LARP4B: variants seen among roughly 807,000 people sequenced by gnomAD.
LARP4B encodes the protein la-related protein 4B.
A neutral mutation model predicts 89.8 loss-of-function variants in LARP4B; 12 were observed. The observed-to-expected ratio is 0.13, with a 90% CI of 0.09 to 0.22. The LOEUF (loss-of-function observed/expected upper bound fraction) is 0.22, where lower values mean the gene tolerates loss of function less well. LARP4B is among the 10% of genes least tolerant of loss of function. The pLI is 1.00. For missense variants in LARP4B, 757 were observed against 947.7 expected, an observed-to-expected ratio of 0.80 and a Z score of 2.64; for synonymous variants, 367 against 363.3, an observed-to-expected ratio of 1.01 and a Z score of -0.12.
Position 831,861 on chromosome 10 carries a change from TCA to T in LARP4B, c.751-886_751-885del, listed in dbSNP as rs372256102. Among the ~76,000 whole-genome samples the T allele has an allele frequency of 5.9e-3, 896 of 152,048 alleles. 14 individuals are homozygous for T. The highest frequency in any genetic ancestry group is 0.021 in the African/African-American group (853 of 41,468). On this transcript the variant is annotated intron_variant, in intron 8 of 17. Coordinates refer to ENST00000316157, the MANE Select transcript of LARP4B (RefSeq NM_015155.3). ...AAAACTCCGAGCATCTCCTCAAAAA[TCA>T]CAAAGCATGCAAAGAAATAGAAAAT...
chr10:825,618 A>T, intron 12 of LARP4B, 146 bp downstream of exon 12: 1 of 644,624 alleles, frequency 1.6e-6, no homozygotes, highest in Non-Finnish European at 2.7e-6. Context: ...GCCAGATTGT[A>T]GTGCTTAGTC....
the LARP4B span, among the ~76,000 whole-genome samples, chr10:961,235 G>A: frequency 1.3e-5 from 2 of 152,246 alleles, no homozygotes; most frequent in African/African-American, 4.8e-5. Context: ...GATGGCTGTT[G>A]TCTTAGTCCA....
At chr10:871,955 G>C (rs1296689761) in intron 3 of LARP4B, among the ~76,000 whole-genome samples, 1 of 152,146 alleles carries the variant, frequency 6.6e-6, no homozygotes, top group Non-Finnish European at 1.5e-5. Flanking sequence ...TGCAGTGTCA[G>C]TACAAAAGCT....
Position 843,082 on chromosome 10 carries a change from A to G in LARP4B, c.510-14T>C. 1 of 1,610,976 alleles carries G rather than the reference A, an allele frequency of 6.2e-7. No individual in the cohort carries two copies. Among genetic ancestry groups the G allele is most frequent in the Non-Finnish European group, 8.5e-7 (1 of 1,177,922 alleles). The stretch of plus-strand genomic sequence containing the variant: ...GCAAGGTTCTCCCTGTTGAAAGAAA[A>G]CAATCTCTTTTAATCAGTATTTCTT... On this transcript the variant is annotated splice_polypyrimidine_tract_variant and intron_variant, in intron 6 of 17. Transcript: ENST00000316157.
At chr10:881,751 G>A (rs769672153) in intron 3 of LARP4B, among the ~76,000 whole-genome samples, 1 of 152,190 alleles carries the variant, frequency 6.6e-6, no homozygotes, top group South Asian at 2.1e-4. Flanking sequence ...ACTCACCTAC[G>A]TCTCAGTGCC....
In LARP4B at chr10:836,524, A is replaced by C; in HGVS notation, c.647-18T>G. 6.7e-7 allele frequency: 1 copy of C among 1,484,112 alleles called. No individual in the cohort carries two copies. Among genetic ancestry groups the C allele is most frequent in the African/African-American group, 1.4e-5 (1 of 72,246 alleles). The allele number at this position is 1,484,112 out of a possible 1,614,324, so 91.9% of individuals were successfully genotyped here. A position where few individuals can be genotyped will look rare whatever the true frequency, so the allele number is the denominator to read the frequency against. ...AGGTAAAGCTACAAAGAGAAGAAAA[A>C]TCAATGGTGAAACAAAAATATTAAA... On this transcript the variant is annotated intron_variant, in intron 7 of 17. Transcript: ENST00000316157.
At chr10:884,373 A>G in intron 3 of LARP4B, 74 bp downstream of exon 3, 1 of 1,059,020 alleles carries the variant, frequency 9.4e-7, no homozygotes, top group South Asian at 1.3e-5. Context: ...TACAATAAAC[A>G]TTTTTCTTAA....
intron 14 of LARP4B, chr10:818,622 A>G (rs747666758): frequency 2.0e-5 from 3 of 152,280 alleles, no homozygotes; most frequent in Non-Finnish European, 4.4e-5. Flanking sequence ...AAAATGATCT[A>G]TCAACCCGCT....
the LARP4B span, among the ~76,000 whole-genome samples, chr10:940,018 T>G: frequency 6.8e-6 from 1 of 146,826 alleles, no homozygotes; most frequent in African/African-American, 2.6e-5. Flanking sequence ...GCTAATTTTT[T>G]TTTTTTTTTT....
At chr10:983,402 C>T in the LARP4B span, among the ~76,000 whole-genome samples, 1 of 152,204 alleles carries the variant, frequency 6.6e-6, no homozygotes, top group African/African-American at 2.4e-5. Context: ...CCAGCTTGGG[C>T]TGCCATAACA....
chr10:961,319 T>G, the LARP4B span, among the ~76,000 whole-genome samples: 1 of 152,254 alleles, frequency 6.6e-6, no homozygotes, highest in African/African-American at 2.4e-5. Flanking sequence ...CTCACGGTTC[T>G]GCGGGCTGTA....
chr10:906,971 G>C (rs1288357605), intron 1 of LARP4B, among the ~76,000 whole-genome samples: 1 of 152,136 alleles, frequency 6.6e-6, no homozygotes, highest in Non-Finnish European at 1.5e-5. Context: ...CTAAAGCGAG[G>C]GACTCGCAAC....
chr10:928,321 T>C (rs917083560), intron 1 of LARP4B, among the ~76,000 whole-genome samples: 2 of 152,148 alleles, frequency 1.3e-5, no homozygotes, highest in African/African-American at 2.4e-5. Context: ...TTTTACAACT[T>C]TGAGAGGCCC....
intron 1 of LARP4B, among the ~76,000 whole-genome samples, chr10:899,336 C>T (rs550398039): frequency 1.3e-5 from 2 of 152,236 alleles, no homozygotes; most frequent in South Asian, 4.1e-4. Context: ...AATATAAAAC[C>T]TCTCTCCTGA....
intron 1 of LARP4B, among the ~76,000 whole-genome samples, chr10:928,460 T>C (rs963030660): frequency 5.3e-5 from 8 of 152,242 alleles, no homozygotes; most frequent in Non-Finnish European, 7.3e-5. Context: ...CAGCCACTCC[T>C]TGGCTGGTAA....
At chr10:835,804 G>C (rs912163009) in intron 8 of LARP4B, among the ~76,000 whole-genome samples, 3 of 152,092 alleles carry the variant, frequency 2.0e-5, no homozygotes, top group African/African-American at 7.2e-5. Context: ...GCAGCGACAG[G>C]CGCCTGTAAT....
chr10:974,511 T>G, the LARP4B span, among the ~76,000 whole-genome samples: 8 of 152,228 alleles, frequency 5.3e-5, no homozygotes, highest in African/African-American at 1.7e-4. Flanking sequence ...TATCTATAAA[T>G]TGGGAATGTG....
At chr10:863,574 T>A (rs113517769) in intron 5 of LARP4B, among the ~76,000 whole-genome samples, 169 bp downstream of exon 5, 4,217 of 152,190 alleles carry the variant, frequency 0.028, 84 homozygotes, top group Non-Finnish European at 0.043. Context: ...GGCACCTCCC[T>A]AACCAGGGCC....
At position 863,840 on chromosome 10, in the gene LARP4B, G is replaced by C; in HGVS notation, c.333C>G (p.Ala111=). ...CCGACTCCTGCGGGTCTGGCAATGC[G>C]GCATTCTCATGGCCCTGGTCACCAT... The part of the protein sequence containing the change: ...NGDGDQGHEN[A]ALPDPQESDP... Residue 111 remains alanine (A), a synonymous_variant, in exon 5 of 18, where the codon GCC becomes GCG. Transcript: ENST00000316157. 1.2e-6 allele frequency: 2 copies of C among 1,614,028 alleles called. No individual in the cohort carries two copies. The highest frequency in any genetic ancestry group is 1.7e-6 in the Non-Finnish European group (2 of 1,180,002).
Sources: allele counts gnomAD v4.1 joint callset (sites outside exome capture counted in the v4.1 genomes callset), GRCh38; gene constraint gnomAD v4.1.1; transcripts MANE v1.5; gene names NCBI Gene and HGNC (gene_info 2026-07-23, HGNC 2026-07-21).